Variants in ANO3 observed in about 807,000 individuals in gnomAD.
ANO3 encodes anoctamin 3.
Under a neutral mutation model 144.8 loss-of-function variants are expected in ANO3, and 99 were observed. The ratio of observed to expected loss-of-function variants is 0.68; its 90% CI spans 0.58 to 0.81. The LOEUF is 0.81. Among genes scored for constraint, ANO3 ranks in the 30% least tolerant of loss-of-function variants. ANO3 has a pLI of 0.00. For missense variants in ANO3, 905 were observed against 1,202.2 expected (o/e 0.75, Z 3.66); for synonymous variants, 414 against 392.6 (o/e 1.05, Z -0.64).
chr11:26,318,133 A>T (rs750546824), intron 1 of ANO3, among the ~76,000 whole-genome samples: 14 of 152,170 alleles, frequency 9.2e-5, no homozygotes, highest in Non-Finnish European at 1.9e-4. Flanking sequence ...GGGGAGGGAT[A>T]GCATTAGGAG....
Position 26,332,237 on chromosome 11 carries a change from G to A in ANO3, c.-39G>A. The A allele has an allele frequency of 1.2e-6, 2 of 1,613,972 alleles. No individual in the cohort carries two copies. Among genetic ancestry groups the A allele is most frequent in the African/African-American group, 1.3e-5 (1 of 74,974 alleles). The stretch of plus-strand genomic sequence containing the variant: ...GCTACTGTTCCTCCGCCTCCCTCTC[G>A]GGCAGCTCCCTAAGCCGGCTGGGAC... On this transcript the variant is annotated 5_prime_UTR_variant, in exon 1 of 27. Transcript: ENST00000256737.
chr11:26,512,253 T>C (rs1053386513), intron 5 of ANO3, among the ~76,000 whole-genome samples: 1 of 152,212 alleles, frequency 6.6e-6, no homozygotes, highest in Non-Finnish European at 1.5e-5. Flanking sequence ...AAAAACGTAA[T>C]TTTTAAGTTT....
upstream of ANO3, among the ~76,000 whole-genome samples, chr11:26,329,219 T>C (rs1037281345): frequency 6.6e-6 from 1 of 152,010 alleles, no homozygotes; most frequent in African/African-American, 2.4e-5. Flanking sequence ...CAACACAGAA[T>C]TTTTATTTTG....
intron 14 of ANO3, among the ~76,000 whole-genome samples, chr11:26,589,418 T>TC (rs1249382936): frequency 6.6e-6 from 1 of 151,980 alleles, no homozygotes; most frequent in East Asian, 1.9e-4. Flanking sequence ...ATTTTCTTTT[T>TC]TTTTTTTTTT....
intron 2 of ANO3, among the ~76,000 whole-genome samples, chr11:26,442,859 C>T (rs146374498): frequency 8.3e-4 from 126 of 152,192 alleles, no homozygotes; most frequent in African/African-American, 2.9e-3. Context: ...GTCTGCCTCC[C>T]GGGTTCAAGT....
chr11:26,300,897 A>T (rs1229833000), intron 1 of ANO3, among the ~76,000 whole-genome samples: 2 of 131,650 alleles, frequency 1.5e-5, no homozygotes, highest in African/African-American at 3.0e-5. Context: ...TCTGTTGCCC[A>T]GGCTGAAGTG....
intron 1 of ANO3, among the ~76,000 whole-genome samples, chr11:26,417,930 C>T (rs1857638877): frequency 6.6e-6 from 1 of 151,904 alleles, no homozygotes. Context: ...TTTCAAAATA[C>T]CAAAGTAACA....
At chr11:26,556,952 C>T (rs1297455027) in intron 13 of ANO3, among the ~76,000 whole-genome samples, 2 of 152,140 alleles carry the variant, frequency 1.3e-5, no homozygotes, top group African/African-American at 4.8e-5. Flanking sequence ...AACTTTAGAA[C>T]AAGACCCAGC....
chr11:26,475,178 TCTTTC>T (rs1859913907), intron 4 of ANO3, among the ~76,000 whole-genome samples: 1 of 151,974 alleles, frequency 6.6e-6, no homozygotes, highest in Non-Finnish European at 1.5e-5. Flanking sequence ...ATTAATATTT[TCTTTC>T]CTTCTTAGTT....
At chr11:26,561,310 T>G in intron 14 of ANO3, 1 of 954,136 alleles carries the variant, frequency 1.0e-6, no homozygotes, top group Non-Finnish European at 1.5e-6. Context: ...TAGGAATTAT[T>G]CTAGATGAGA....
intron 1 of ANO3, among the ~76,000 whole-genome samples, chr11:26,390,887 T>C (rs1424063283): frequency 6.6e-6 from 1 of 152,074 alleles, no homozygotes; most frequent in Non-Finnish European, 1.5e-5. Flanking sequence ...TAGGGCAAGT[T>C]CCATAACCAT....
At chr11:26,602,070 G>C (rs918631649) in intron 17 of ANO3, among the ~76,000 whole-genome samples, 8 of 152,108 alleles carry the variant, frequency 5.3e-5, no homozygotes, top group African/African-American at 1.9e-4. Flanking sequence ...TATGATAGTG[G>C]ATCAGAAGAC....
chr11:26,612,950 G>T (rs950163446), intron 17 of ANO3, among the ~76,000 whole-genome samples: 1 of 152,082 alleles, frequency 6.6e-6, no homozygotes, highest in Non-Finnish European at 1.5e-5. Flanking sequence ...TTGGCAGTTT[G>T]ATTAACGAGT....
intron 18 of ANO3, among the ~76,000 whole-genome samples, chr11:26,628,608 C>G (rs1852669878): frequency 6.6e-6 from 1 of 152,200 alleles, no homozygotes; most frequent in African/African-American, 2.4e-5. Flanking sequence ...AGCGTAGAAC[C>G]TAAGTTAAAC....
chr11:26,378,508 T>G, intron 1 of ANO3, among the ~76,000 whole-genome samples: 1 of 151,384 alleles, frequency 6.6e-6, no homozygotes, highest in East Asian at 1.9e-4. Context: ...GCAGTGGATC[T>G]GGGAAACACA....
At chr11:26,493,766 C>T (rs1206452436) in intron 4 of ANO3, among the ~76,000 whole-genome samples, 2 of 152,112 alleles carry the variant, frequency 1.3e-5, no homozygotes, top group Non-Finnish European at 2.9e-5. Context: ...TTCTCCTCCT[C>T]CTTCTTGTTT....
At chr11:26,329,812 ATT>A (rs34683057), upstream of ANO3, among the ~76,000 whole-genome samples, 1,019 of 139,414 alleles carry the variant, frequency 7.3e-3, 5 homozygotes, top group African/African-American at 0.014. Context: ...AGGGACTTAA[ATT>A]TTTTTTTTTT....
At chr11:26,201,152 C>G (rs1039305612) in intron 1 of ANO3, among the ~76,000 whole-genome samples, 5 of 152,140 alleles carry the variant, frequency 3.3e-5, no homozygotes, top group Admixed American at 6.6e-5. Context: ...GTGCCCACAG[C>G]ACAAGCTTAA....
intron 26 of ANO3, among the ~76,000 whole-genome samples, chr11:26,660,022 G>A (rs1033128276): frequency 3.3e-5 from 5 of 152,128 alleles, no homozygotes; most frequent in Admixed American, 6.6e-5. Flanking sequence ...TGCTTATAAA[G>A]TGATATCAAC....
Sources: allele counts gnomAD v4.1 joint callset (sites outside exome capture counted in the v4.1 genomes callset), GRCh38; gene constraint gnomAD v4.1.1; transcripts MANE v1.5; gene names NCBI Gene and HGNC (gene_info 2026-07-23, HGNC 2026-07-21).